The following GLCE variants were observed in gnomAD, a reference collection of about 807,000 sequenced individuals.
The protein encoded by GLCE is glucuronic acid epimerase, also known as D-glucuronyl C5-epimerase.
Under a neutral mutation model 47.9 loss-of-function variants are expected in GLCE, and 19 were observed. That is an observed-to-expected ratio of 0.40 (90% CI 0.28 to 0.58). GLCE has a LOEUF of 0.58. GLCE is among the 20% of genes least tolerant of loss of function. The pLI, the probability that GLCE is intolerant of heterozygous loss-of-function variation, is 0.48. For missense variants in GLCE, 556 were observed against 743.3 expected (o/e 0.75, Z 2.93); for synonymous variants, 245 against 263.4 (o/e 0.93, Z 0.68).
Position 69,259,367 on chromosome 15 carries a change from GTTT to G in GLCE, c.587-1716_587-1714del, listed in dbSNP as rs1253174408. Among the ~76,000 whole-genome samples, 6 of 152,052 alleles carry G rather than the reference GTTT, an allele frequency of 3.9e-5. No homozygotes were observed. In the East Asian group the frequency reaches 1.2e-3, roughly 29 times the overall value. On this transcript the variant is annotated intron_variant, in intron 3 of 4. Transcript: ENST00000261858. Reference sequence around the variant, plus strand: ...TAGTTCCATTTATTAAACTTATGGGGTTTTTTGGATCTTTGTACCTCTTCTTTT... The same window carrying G: ...TAGTTCCATTTATTAAACTTATGGGGTTTGGATCTTTGTACCTCTTCTTTT...
intron 2 of GLCE, among the ~76,000 whole-genome samples, chr15:69,242,635 TCTA>T (rs1318678094): frequency 1.3e-5 from 2 of 152,160 alleles, no homozygotes; most frequent in African/African-American, 2.4e-5. Context: ...CAACTTTCCT[TCTA>T]CTAGTATGAA....
intron 1 of GLCE, among the ~76,000 whole-genome samples, chr15:69,208,657 A>G (rs907476511): frequency 4.6e-5 from 7 of 152,040 alleles, no homozygotes; most frequent in African/African-American, 1.4e-4. Flanking sequence ...TATAACTACA[A>G]AAAATCCTGG....
At chr15:69,208,331 A>G (rs907335893) in intron 1 of GLCE, among the ~76,000 whole-genome samples, 2 of 151,962 alleles carry the variant, frequency 1.3e-5, no homozygotes, top group African/African-American at 4.8e-5. Flanking sequence ...GGTTTAGGTG[A>G]AATTTTATTT....
chr15:69,215,058 T>C (rs1179164013), intron 2 of GLCE, among the ~76,000 whole-genome samples: 4 of 152,144 alleles, frequency 2.6e-5, no homozygotes, highest in Non-Finnish European at 1.5e-5. Context: ...CCATCTTGGG[T>C]TTCCCTGATA....
intron 2 of GLCE, among the ~76,000 whole-genome samples, chr15:69,222,660 A>C (rs2052393679): frequency 6.6e-6 from 1 of 152,040 alleles, no homozygotes; most frequent in African/African-American, 2.4e-5. Context: ...TGATTTTCTC[A>C]GATTGTCTGT....
chr15:69,268,265 T>G lies in GLCE; in HGVS notation c.875T>G (p.Phe292Cys). Residue 292 changes from phenylalanine (F) to cysteine (C), a missense_variant, in exon 5 of 5, where the codon TTT (phenylalanine) becomes TGT (cysteine). Coordinates refer to ENST00000261858, the MANE Select transcript of GLCE (RefSeq NM_015554.3). ...VSLQLGNTKD[F>C]IISFDLKFLT... ...TTGCAACTGGGAAACACAAAAGATT[T>G]TATTATTTCATTTGACCTCAAGTTC... 6.2e-7 allele frequency: 1 copy of G among 1,611,586 alleles called. No individual in the cohort carries two copies. Among genetic ancestry groups the G allele is most frequent in the Non-Finnish European group, 8.5e-7 (1 of 1,178,966 alleles).
At chr15:69,197,725 A>T (rs967271226) in intron 1 of GLCE, among the ~76,000 whole-genome samples, 1 of 152,180 alleles carries the variant, frequency 6.6e-6, no homozygotes, top group South Asian at 2.1e-4. Context: ...GTTGATATGG[A>T]TTCAGGAGAA....
chr15:69,196,650 C>T, intron 1 of GLCE: 1 of 161,270 alleles, frequency 6.2e-6, no homozygotes, highest in Non-Finnish European at 1.4e-5. Context: ...CAATTGAGAG[C>T]AATCATCGAA....
chr15:69,214,806 T>C (rs2052282340), intron 2 of GLCE, among the ~76,000 whole-genome samples: 1 of 152,224 alleles, frequency 6.6e-6, no homozygotes, highest in African/African-American at 2.4e-5. Context: ...ACTATATTTA[T>C]GTATTTATTA....
At position 69,268,225 on chromosome 15, in the gene GLCE, A is replaced by G. The variant is rs1262001172; in HGVS notation, c.835A>G (p.Ser279Gly). Residue 279 changes from serine to glycine, a missense_variant, in exon 5 of 5, where the codon AGT becomes GGT. Physicochemically the swap from Ser to Gly is moderately conservative, Grantham distance 56 (BLOSUM62 0). This residue lies in a region of GLCE where 74 missense variants were observed against 64.4 expected (regional missense o/e 1.15). Transcript: ENST00000261858. ...TGGTATATTCTCCCCTACAGAAACC[A>G]GTGAAGGTGTATCCTTGCAACTGGG... ...NVKQFIAPET[S>G]EGVSLQLGNT... 6.3e-7 allele frequency: 1 copy of G among 1,591,454 alleles called. No individual in the cohort carries two copies. Among genetic ancestry groups the G allele is most frequent in the East Asian group, 2.2e-5 (1 of 44,816 alleles).
At chr15:69,211,679 G>A (rs2140376332) in intron 2 of GLCE, among the ~76,000 whole-genome samples, 2 of 151,820 alleles carry the variant, frequency 1.3e-5, no homozygotes, top group Non-Finnish European at 2.9e-5. Context: ...ATATAAGTTA[G>A]AATTTCCAAC....
intron 2 of GLCE, among the ~76,000 whole-genome samples, chr15:69,223,474 A>G (rs1473516905): frequency 1.3e-5 from 2 of 152,080 alleles, no homozygotes; most frequent in African/African-American, 4.8e-5. Context: ...TGTATATGAT[A>G]AGTCTCTTTC....
At chr15:69,225,915 A>G (rs371981616) in intron 2 of GLCE, among the ~76,000 whole-genome samples, 3 of 152,236 alleles carry the variant, frequency 2.0e-5, no homozygotes, top group East Asian at 3.8e-4. Context: ...CTAAAAGCCT[A>G]CATCCTTAAC....
chr15:69,195,957 A>G (rs1044739375), intron 1 of GLCE, among the ~76,000 whole-genome samples: 11 of 152,118 alleles, frequency 7.2e-5, no homozygotes, highest in African/African-American at 2.7e-4. Context: ...TCTAGCTGAG[A>G]GGGAAACTGA....
intron 1 of GLCE, among the ~76,000 whole-genome samples, chr15:69,197,843 A>T (rs919602149): frequency 2.0e-5 from 3 of 152,126 alleles, no homozygotes; most frequent in Admixed American, 6.6e-5. Context: ...GCTTTAAAAA[A>T]TTTTTTGGTT....
intron 2 of GLCE, among the ~76,000 whole-genome samples, chr15:69,219,199 T>C (rs374022382): frequency 1.3e-5 from 2 of 152,052 alleles, no homozygotes; most frequent in East Asian, 3.9e-4. Flanking sequence ...TTATCTATAG[T>C]CCAGTCATTA....
intron 2 of GLCE, among the ~76,000 whole-genome samples, chr15:69,239,449 C>T (rs150433345): frequency 1.3e-3 from 197 of 152,232 alleles, no homozygotes; most frequent in African/African-American, 4.7e-3. Context: ...AAAACCCAAG[C>T]TGGAACATAA....
intron 1 of GLCE, among the ~76,000 whole-genome samples, chr15:69,180,309 C>G (rs1595739450): frequency 6.6e-6 from 1 of 152,106 alleles, no homozygotes. Flanking sequence ...AGGCACTGCT[C>G]TAGGCTCTGT....
intron 2 of GLCE, among the ~76,000 whole-genome samples, chr15:69,224,620 A>G (rs1239046475): frequency 1.3e-5 from 2 of 152,176 alleles, no homozygotes; most frequent in African/African-American, 4.8e-5. Flanking sequence ...ACAGATCTCC[A>G]TACCTGGAGG....
Sources: gnomAD v4.1 joint callset for allele counts (sites outside exome capture counted in the v4.1 genomes callset) on GRCh38, gnomAD v4.1.1 for gene constraint, gnomAD v4.1.1 regional missense constraint, MANE v1.5 for transcripts, NCBI Gene and HGNC (gene_info 2026-07-23, HGNC 2026-07-21) for gene names.